Variants in MYO5B observed in about 807,000 individuals in gnomAD.
MYO5B encodes the protein unconventional myosin-Vb.
Under a neutral mutation model 229.3 loss-of-function variants are expected in MYO5B, and 143 were observed. The observed-to-expected ratio is 0.62, with a 90% CI of 0.54 to 0.72. MYO5B has a LOEUF of 0.72. MYO5B is among the 30% of genes least tolerant of loss of function. The probability of loss-of-function intolerance (pLI) is 0.00; values close to 1 mark genes in which losing one functional copy is unlikely to be tolerated. For synonymous variants in MYO5B, 918 were observed against 885.2 expected (o/e 1.04, Z -0.66); for missense variants, 2,321 against 2,331.0 (o/e 1.00, Z 0.09).
At chr18:50,005,259 G>A (rs1229382851) in intron 4 of MYO5B, among the ~76,000 whole-genome samples, 1 of 152,140 alleles carries the variant, frequency 6.6e-6, no homozygotes, top group Non-Finnish European at 1.5e-5. Context: ...ATAAGTATGG[G>A]GTTTTGTGAA....
intron 1 of MYO5B, among the ~76,000 whole-genome samples, chr18:50,193,758 C>T (rs1469713187): frequency 6.6e-6 from 1 of 152,246 alleles, no homozygotes; most frequent in Non-Finnish European, 1.5e-5. Context: ...AACTTGTTTT[C>T]TTAAAGGTGC....
At chr18:50,032,813 CTG>C (rs2026404781) in intron 4 of MYO5B, among the ~76,000 whole-genome samples, 1 of 152,106 alleles carries the variant, frequency 6.6e-6, no homozygotes, top group African/African-American at 2.4e-5. Flanking sequence ...AGGCAAAACC[CTG>C]TCTCTACTAA....
chr18:49,911,493 C>T (rs1310511956), intron 18 of MYO5B, among the ~76,000 whole-genome samples: 1 of 152,190 alleles, frequency 6.6e-6, no homozygotes. Flanking sequence ...ACCTAGATAG[C>T]TTGTTTACTC....
intron 1 of MYO5B, among the ~76,000 whole-genome samples, chr18:50,058,788 G>A (rs1387824543): frequency 6.6e-6 from 1 of 152,116 alleles, no homozygotes; most frequent in African/African-American, 2.4e-5. Flanking sequence ...TCCAGCCTGG[G>A]TGACAAAGCA....
intron 1 of MYO5B, among the ~76,000 whole-genome samples, chr18:50,194,351 A>G: frequency 6.6e-6 from 1 of 152,104 alleles, no homozygotes; most frequent in Non-Finnish European, 1.5e-5. Flanking sequence ...GGTGGGGTCC[A>G]CGGCGGGGAC....
rs930726553 is a variant in MYO5B at position 49,877,928 on chromosome 18, A to C, written c.3277-46T>G. The C allele has an allele frequency of 2.5e-6, 4 of 1,612,536 alleles. No homozygotes were observed. In the African/African-American group the frequency reaches 4.0e-5, roughly 16 times the overall value. ...GATAGCTCATTAGGAACTAATGTTCATGAGAATTTACCTCCCATGGTGGCA... is the reference window on the plus strand; with the variant it reads ...GATAGCTCATTAGGAACTAATGTTCCTGAGAATTTACCTCCCATGGTGGCA... On this transcript the variant is annotated intron_variant, in intron 24 of 39. Transcript: ENST00000285039.
intron 16 of MYO5B, among the ~76,000 whole-genome samples, chr18:49,933,008 T>G (rs2025211104): frequency 6.6e-6 from 1 of 152,186 alleles, no homozygotes; most frequent in Admixed American, 6.5e-5. Context: ...GTTCATGCTT[T>G]CCTCTCCCAA....
chr18:49,843,734 G>T (rs1201295833), intron 33 of MYO5B, among the ~76,000 whole-genome samples: 1 of 152,180 alleles, frequency 6.6e-6, no homozygotes, highest in Non-Finnish European at 1.5e-5. Flanking sequence ...AGCCAACAGG[G>T]GCCCATGGCA....
intron 22 of MYO5B, among the ~76,000 whole-genome samples, chr18:49,892,075 G>A (rs2024721853): frequency 6.6e-6 from 1 of 152,148 alleles, no homozygotes; most frequent in African/African-American, 2.4e-5. Context: ...TCTGTGCCTA[G>A]GGCAGCCCTG....
chr18:49,951,123 TA>T (rs2025426456), intron 14 of MYO5B, among the ~76,000 whole-genome samples: 1 of 152,162 alleles, frequency 6.6e-6, no homozygotes, highest in African/African-American at 2.4e-5. Context: ...GACTTGCTTC[TA>T]GGGGGAATTA....
intron 10 of MYO5B, 76 bp from the exon 11 acceptor site, chr18:49,963,106 TGACCCAGGTCTCCCCC>T: frequency 8.3e-7 from 1 of 1,198,830 alleles, no homozygotes; most frequent in South Asian, 1.2e-5. Flanking sequence ...AAAGCTGCTC[TGACCCAGGTCTCCCCC>T]GATGCCACTA....
intron 14 of MYO5B, among the ~76,000 whole-genome samples, chr18:49,939,364 T>G (rs1240899164): frequency 2.6e-5 from 4 of 152,094 alleles, no homozygotes; most frequent in Admixed American, 2.6e-4. Flanking sequence ...CAGGATGGTC[T>G]CGATCTCTTG....
At chr18:50,142,898 G>A (rs72919899) in intron 1 of MYO5B, among the ~76,000 whole-genome samples, 3,932 of 152,276 alleles carry the variant, frequency 0.026, 76 homozygotes, top group South Asian at 0.081. Context: ...CAGTGAAGAT[G>A]AGTGCCAGCA....
intron 4 of MYO5B, among the ~76,000 whole-genome samples, chr18:50,017,173 A>G (rs2026224673): frequency 1.3e-5 from 2 of 152,136 alleles, no homozygotes; most frequent in African/African-American, 4.8e-5. Flanking sequence ...ACTGGAGTGC[A>G]GCGGCATGAT....
chr18:49,896,039 C>A (rs540081511), intron 21 of MYO5B, among the ~76,000 whole-genome samples: 1 of 152,152 alleles, frequency 6.6e-6, no homozygotes, highest in African/African-American at 2.4e-5. Context: ...TCTGTAGGAG[C>A]GCCAGGCAGA....
intron 1 of MYO5B, among the ~76,000 whole-genome samples, chr18:50,134,554 CAATAAATAAATA>C (rs57536679): frequency 0.28 from 39,986 of 141,334 alleles, 6,221 homozygotes; most frequent in Admixed American, 0.43. Flanking sequence ...GACTCCATCT[CAATAAATAAATA>C]AATAAATAAA....
chr18:49,867,550 G>C (rs1184053130), intron 27 of MYO5B, among the ~76,000 whole-genome samples: 2 of 152,126 alleles, frequency 1.3e-5, no homozygotes, highest in Non-Finnish European at 1.5e-5. Flanking sequence ...CCCTAGGTTA[G>C]CTGGACATTG....
At chr18:49,983,240 C>T (rs1437726074) in intron 8 of MYO5B, among the ~76,000 whole-genome samples, 4 of 152,310 alleles carry the variant, frequency 2.6e-5, no homozygotes, top group Admixed American at 6.5e-5. Flanking sequence ...GAGGGTATTC[C>T]GGCGATTTGC....
intron 19 of MYO5B, 90 bp downstream of exon 19, chr18:49,906,329 G>T: frequency 1.5e-6 from 2 of 1,291,398 alleles, no homozygotes; most frequent in Non-Finnish European, 1.1e-6. Flanking sequence ...TCTCAGCACA[G>T]AGGAAGAGAG....
Sources: allele counts gnomAD v4.1 joint callset (sites outside exome capture counted in the v4.1 genomes callset), GRCh38; gene constraint gnomAD v4.1.1; transcripts MANE v1.5; gene names NCBI Gene and HGNC (gene_info 2026-07-23, HGNC 2026-07-21).